CAMKMT: variants seen among roughly 807,000 people sequenced by gnomAD.
The protein encoded by CAMKMT is calmodulin-lysine N-methyltransferase, also known as CaM KMT.
A neutral mutation model predicts 48.0 loss-of-function variants in CAMKMT; 53 were observed. That is an observed-to-expected ratio of 1.10 (90% CI 0.89 to 1.39). The LOEUF is 1.39. Ranked by LOEUF, CAMKMT falls within the 40% of genes most tolerant of loss-of-function variation. The pLI is 0.00. For missense variants in CAMKMT, 428 were observed against 402.7 expected, an observed-to-expected ratio of 1.06 and a Z score of -0.54; for synonymous variants, 165 against 152.3, an observed-to-expected ratio of 1.08 and a Z score of -0.61.
intron 3 of CAMKMT, among the ~76,000 whole-genome samples, chr2:44,472,955 T>G (rs1205814942): frequency 6.6e-6 from 1 of 152,230 alleles, no homozygotes. Flanking sequence ...CAGCCAGCAT[T>G]TCAGTTACCA....
At chr2:44,372,695 A>G (rs924313283) in intron 1 of CAMKMT, 21 bp from the exon 2 acceptor site, 4 of 1,603,894 alleles carry the variant, frequency 2.5e-6, no homozygotes, top group Non-Finnish European at 2.6e-6. Flanking sequence ...CATGACTGCA[A>G]TATTTGGCTT....
At chr2:44,568,266 C>T (rs1668718962) in intron 3 of CAMKMT, among the ~76,000 whole-genome samples, 1 of 152,208 alleles carries the variant, frequency 6.6e-6, no homozygotes, top group Admixed American at 6.5e-5. Flanking sequence ...CTACTTTCAT[C>T]AGTGCATTTG....
intron 3 of CAMKMT, among the ~76,000 whole-genome samples, chr2:44,635,648 A>T (rs1328179264): frequency 2.0e-5 from 3 of 152,200 alleles, no homozygotes; most frequent in Non-Finnish European, 4.4e-5. Context: ...AAGATTCTGA[A>T]TATGACTTTT....
intron 3 of CAMKMT, among the ~76,000 whole-genome samples, chr2:44,568,191 G>C (rs1668715470): frequency 6.6e-6 from 1 of 152,074 alleles, no homozygotes; most frequent in Non-Finnish European, 1.5e-5. Flanking sequence ...CATAGGCAAA[G>C]TCCTGAAATG....
chr2:44,662,215 T>C (rs544000685), intron 3 of CAMKMT, among the ~76,000 whole-genome samples: 2 of 152,346 alleles, frequency 1.3e-5, no homozygotes, highest in Admixed American at 6.5e-5. Flanking sequence ...ATGTTGCCAG[T>C]CCCTTTCCTA....
At chr2:44,583,764 G>A (rs748979352) in intron 3 of CAMKMT, among the ~76,000 whole-genome samples, 6 of 151,940 alleles carry the variant, frequency 3.9e-5, no homozygotes, top group Non-Finnish European at 5.9e-5. Context: ...CCACAGCACC[G>A]CATCCTGGGC....
intron 3 of CAMKMT, among the ~76,000 whole-genome samples, chr2:44,599,664 A>G (rs1478386599): frequency 6.6e-6 from 1 of 152,064 alleles, no homozygotes; most frequent in African/African-American, 2.4e-5. Context: ...ATAATCATTA[A>G]GAGTCTCAGA....
At chr2:44,632,037 C>G (rs187038693) in intron 3 of CAMKMT, among the ~76,000 whole-genome samples, 4 of 152,238 alleles carry the variant, frequency 2.6e-5, no homozygotes, top group African/African-American at 9.6e-5. Context: ...ATGTCATAAA[C>G]CTCACAATAC....
At chr2:44,757,595 G>A (rs571463964) in intron 9 of CAMKMT, among the ~76,000 whole-genome samples, 2 of 146,360 alleles carry the variant, frequency 1.4e-5, no homozygotes, top group South Asian at 2.2e-4. Flanking sequence ...ATGGAGTCTC[G>A]CTCTGTCACC....
chr2:44,556,423 G>C (rs373855154), intron 3 of CAMKMT, among the ~76,000 whole-genome samples: 39 of 147,668 alleles, frequency 2.6e-4, no homozygotes, highest in African/African-American at 9.2e-4. Flanking sequence ...ACAGGCATGA[G>C]CCACCGTGTC....
At chr2:44,542,537 A>ACACTCTCT (rs1237950640) in intron 3 of CAMKMT, among the ~76,000 whole-genome samples, 5 of 67,984 alleles carry the variant, frequency 7.4e-5, no homozygotes, top group South Asian at 4.7e-4. Context: ...ACACACACAC[A>ACACTCTCT]CTCTCTCTCT....
chr2:44,602,418 G>C (rs932893098), intron 3 of CAMKMT, among the ~76,000 whole-genome samples: 1 of 151,906 alleles, frequency 6.6e-6, no homozygotes, highest in Non-Finnish European at 1.5e-5. Context: ...TTTATTAAGA[G>C]AACAACAAAA....
At chr2:44,430,516 T>C (rs988089992) in intron 3 of CAMKMT, among the ~76,000 whole-genome samples, 1 of 151,342 alleles carries the variant, frequency 6.6e-6, no homozygotes, top group African/African-American at 2.4e-5. Flanking sequence ...GACCCAGAGC[T>C]ACTTGTTTGG....
intron 3 of CAMKMT, among the ~76,000 whole-genome samples, chr2:44,429,489 T>C (rs899410749): frequency 6.6e-6 from 1 of 152,132 alleles, no homozygotes; most frequent in Admixed American, 6.5e-5. Context: ...TTTAACATAA[T>C]GGAGCTACTA....
At chr2:44,622,145 A>G (rs1189866027) in intron 3 of CAMKMT, among the ~76,000 whole-genome samples, 3 of 152,186 alleles carry the variant, frequency 2.0e-5, no homozygotes, top group Non-Finnish European at 4.4e-5. Flanking sequence ...GGAATAATAC[A>G]AGGTCAACTA....
At chr2:44,768,165 C>A (rs1388969730) in intron 10 of CAMKMT, among the ~76,000 whole-genome samples, 6 of 151,896 alleles carry the variant, frequency 4.0e-5, no homozygotes, top group Non-Finnish European at 1.5e-5. Context: ...AAATAAGTGG[C>A]TTTATTTTTT....
chr2:44,731,447 T>C (rs931747350), intron 7 of CAMKMT, among the ~76,000 whole-genome samples: 1 of 152,004 alleles, frequency 6.6e-6, no homozygotes, highest in Non-Finnish European at 1.5e-5. Flanking sequence ...GAAAATAAAT[T>C]CTTTAAACCT....
chr2:44,445,612 TCA>T (rs1270383654), intron 3 of CAMKMT, among the ~76,000 whole-genome samples: 1 of 146,518 alleles, frequency 6.8e-6, no homozygotes, highest in Non-Finnish European at 1.5e-5. Context: ...AGGACTGGGC[TCA>T]GGGGAAGTCC....
intron 3 of CAMKMT, among the ~76,000 whole-genome samples, chr2:44,647,907 CAA>C (rs756753917): frequency 0.043 from 1,257 of 29,214 alleles, 1 homozygote; most frequent in African/African-American, 0.13. Flanking sequence ...GACTCCGTCT[CAA>C]AAAAAAAAAA....
Sources: allele counts gnomAD v4.1 joint callset (sites outside exome capture counted in the v4.1 genomes callset), GRCh38; gene constraint gnomAD v4.1.1; transcripts MANE v1.5; gene names NCBI Gene and HGNC (gene_info 2026-07-23, HGNC 2026-07-21).